Variants in DHRS4L2 observed in about 807,000 individuals in gnomAD.
DHRS4L2 encodes dehydrogenase/reductase 4 like 2.
DHRS4L2 carries 22 observed loss-of-function variants against 23.9 expected under a neutral mutation model. That is an observed-to-expected ratio of 0.92 (90% CI 0.66 to 1.31). DHRS4L2 has a LOEUF of 1.31. Among genes scored for constraint, DHRS4L2 ranks in the 40% most tolerant of loss-of-function variants. DHRS4L2 has a pLI of 0.00. For synonymous variants in DHRS4L2, 141 were observed against 123.7 expected (o/e 1.14, Z -0.93); for missense variants, 385 against 303.3 (o/e 1.27, Z -2.00).
chr14:23,993,788 T>G (rs1167440719), intron 2 of DHRS4L2, among the ~76,000 whole-genome samples: 1 of 151,642 alleles, frequency 6.6e-6, no homozygotes, highest in Admixed American at 6.6e-5. Flanking sequence ...AAATATGGAA[T>G]TGCTTTAAAT....
chr14:23,996,643 T>C (rs1278720002), intron 3 of DHRS4L2, among the ~76,000 whole-genome samples: 2 of 146,974 alleles, frequency 1.4e-5, no homozygotes, highest in East Asian at 4.2e-4. Context: ...TTGCTCTGTC[T>C]TTTTTCCTTT....
chr14:23,983,996 A>C (rs192553167), upstream of DHRS4L2, among the ~76,000 whole-genome samples: 136 of 151,704 alleles, frequency 9.0e-4, 2 homozygotes, highest in Non-Finnish European at 1.6e-3. Context: ...CAAACCTGCA[A>C]GTTCTGCACA....
At chr14:23,991,737 C>CTT (rs56024121) in intron 2 of DHRS4L2, among the ~76,000 whole-genome samples, 3,213 of 139,850 alleles carry the variant, frequency 0.023, 105 homozygotes, top group African/African-American at 0.061. Context: ...GCCTCCATAT[C>CTT]TTTTTTTTTT....
At chr14:23,999,942 A>G (rs2034454591) in intron 3 of DHRS4L2, among the ~76,000 whole-genome samples, 4 of 132,210 alleles carry the variant, frequency 3.0e-5, no homozygotes, top group Admixed American at 1.4e-4. Context: ...TGATCCACCC[A>G]TCTTGGCCTC....
chr14:24,001,140 C>T (rs1364417920), intron 5 of DHRS4L2, 56 bp downstream of exon 5: 4 of 1,609,244 alleles, frequency 2.5e-6, no homozygotes, highest in Non-Finnish European at 3.4e-6. Flanking sequence ...CATCTTTCCA[C>T]CCCTCCTATT....
upstream of DHRS4L2, among the ~76,000 whole-genome samples, chr14:23,986,776 ACCCCCG>A (rs141347994): frequency 0.074 from 11,177 of 150,792 alleles, 626 homozygotes; most frequent in Middle Eastern, 0.12. Flanking sequence ...AGCCCTGAGA[ACCCCCG>A]CAGCAGTCCT....
intron 3 of DHRS4L2, 39 bp downstream of exon 3, chr14:23,995,172 G>T (rs141194106): frequency 3.8e-6 from 6 of 1,595,756 alleles, no homozygotes; most frequent in Non-Finnish European, 5.2e-6. Flanking sequence ...GGGGCCTCGG[G>T]ACACATTCAG....
intron 3 of DHRS4L2, 117 bp downstream of exon 3, chr14:23,995,250 G>C: frequency 8.9e-7 from 1 of 1,119,736 alleles, no homozygotes. Flanking sequence ...TCTTTGCCAC[G>C]TGCCACACAC....
chr14:23,976,440 A>G (rs1161307173), intron 1 of DHRS4L2, among the ~76,000 whole-genome samples: 2 of 151,930 alleles, frequency 1.3e-5, no homozygotes, highest in African/African-American at 4.8e-5. Flanking sequence ...GCAACATTAA[A>G]AAGTCAGGAA....
intron 1 of DHRS4L2, among the ~76,000 whole-genome samples, chr14:23,974,028 C>T (rs1290523621): frequency 2.6e-5 from 4 of 151,524 alleles, no homozygotes; most frequent in Admixed American, 2.0e-4. Flanking sequence ...TGCCAAAGAA[C>T]AGCAATCACA....
intron 3 of DHRS4L2, among the ~76,000 whole-genome samples, chr14:23,999,118 C>T (rs1228416190): frequency 1.4e-5 from 2 of 143,256 alleles, no homozygotes; most frequent in East Asian, 4.3e-4. Context: ...CAACATTTTT[C>T]AATTAAGTTG....
chr14:23,991,753 T>TC (rs1272219543), intron 2 of DHRS4L2, among the ~76,000 whole-genome samples: 4 of 149,680 alleles, frequency 2.7e-5, no homozygotes, highest in African/African-American at 9.8e-5. Flanking sequence ...TTTTTTTTTT[T>TC]GAGACAGAGT....
chr14:24,001,615 A>G, intron 6 of DHRS4L2, 98 bp downstream of exon 6: 1 of 1,508,796 alleles, frequency 6.6e-7, no homozygotes, highest in Non-Finnish European at 8.8e-7. Flanking sequence ...GCTCTCAGCC[A>G]CTCCATTCTC....
In DHRS4L2 at chr14:23,995,065, G is replaced by C. The variant is rs772289901; in HGVS notation, c.340G>C (p.Val114Leu). ...VKLHGGIDIL[V>L]SNAAVNPFFG... ...GCTTCATGGAGGTATCGATATCCTA[G>C]TCTCCAATGCTGCTGTCAACCCTTT... The change falls in exon 3 of 8, where the codon GTC becomes CTC. Residue 114 changes from valine (V) to leucine (L), a missense_variant. Coordinates refer to ENST00000335125, the MANE Select transcript of DHRS4L2 (RefSeq NM_198083.4). 51 of 1,612,906 alleles carry C rather than the reference G, an allele frequency of 3.2e-5. 2 individuals carry two copies. The highest frequency in any genetic ancestry group is 4.2e-5 in the Non-Finnish European group (49 of 1,179,514).
At chr14:23,978,483 A>G (rs1183088558) in intron 1 of DHRS4L2, among the ~76,000 whole-genome samples, 1 of 92,462 alleles carries the variant, frequency 1.1e-5, no homozygotes, top group Non-Finnish European at 1.8e-5. Flanking sequence ...AGCGAGATCA[A>G]TGCAGAAGGC....
chr14:23,996,951 T>C (rs1425369579), intron 3 of DHRS4L2, among the ~76,000 whole-genome samples: 2 of 151,780 alleles, frequency 1.3e-5, no homozygotes, highest in African/African-American at 4.8e-5. Context: ...TGATAGTCTT[T>C]AAAATAAAGG....
At chr14:23,999,143 G>A (rs1456581029) in intron 3 of DHRS4L2, among the ~76,000 whole-genome samples, 1 of 144,622 alleles carries the variant, frequency 6.9e-6, no homozygotes, top group Non-Finnish European at 1.5e-5. Context: ...TCTTTTCTGG[G>A]TGTGGTTTGT....
At chr14:23,987,104 CA>C, upstream of DHRS4L2, 4 of 264,102 alleles carry the variant, frequency 1.5e-5, no homozygotes, top group South Asian at 1.2e-4. Context: ...GCTCGCCATA[CA>C]CCCCCTTTTG....
chr14:23,984,722 G>A (rs1011014030), upstream of DHRS4L2, among the ~76,000 whole-genome samples: 12 of 144,954 alleles, frequency 8.3e-5, no homozygotes, highest in Non-Finnish European at 1.5e-4. Flanking sequence ...CAGGAGAATC[G>A]CTTGAACCCG....
Sources: allele counts gnomAD v4.1 joint callset (sites outside exome capture counted in the v4.1 genomes callset), GRCh38; gene constraint gnomAD v4.1.1; transcripts MANE v1.5; gene names NCBI Gene and HGNC (gene_info 2026-07-23, HGNC 2026-07-21).